ADAM29: variants seen among roughly 807,000 people sequenced by gnomAD.
ADAM29 encodes the protein disintegrin and metalloproteinase domain-containing protein 29.
For missense variants in ADAM29, 969 were observed against 1,001.8 expected, an observed-to-expected ratio of 0.97 and a Z score of 0.44; for synonymous variants, 367 against 342.3, an observed-to-expected ratio of 1.07 and a Z score of -0.80.
intron 3 of ADAM29, among the ~76,000 whole-genome samples, chr4:174,933,448 A>T (rs1744020375): frequency 6.6e-6 from 1 of 152,170 alleles, no homozygotes; most frequent in Non-Finnish European, 1.5e-5. Flanking sequence ...TAGAAAAGTC[A>T]AGAAGTTACA....
In ADAM29 at chr4:174,977,574, G is replaced by T; in HGVS notation, c.2049G>T (p.Leu683Phe). The T allele has an allele frequency of 6.2e-7, 1 of 1,613,746 alleles. No homozygotes were observed. Among genetic ancestry groups the T allele is most frequent in the Non-Finnish European group, 8.5e-7 (1 of 1,179,890 alleles). Reference protein sequence around the residue: ...KKKFCYLCILLLIVLFILLCC... With the variant: ...KKKFCYLCILFLIVLFILLCC... ...AGTTCTGTTATCTGTGTATATTGTT[G>T]CTTATTGTTTTGTTTATTTTATTAT... Residue 683 changes from leucine to phenylalanine, a missense_variant, in exon 5 of 5, where the codon TTG (leucine) becomes TTT (phenylalanine). By Grantham distance (22) the Leu-to-Phe change is conservative. Transcript: ENST00000359240.
chr4:174,974,372 CAGAT>C (rs1746634564), intron 4 of ADAM29, among the ~76,000 whole-genome samples: 1 of 152,210 alleles, frequency 6.6e-6, no homozygotes, highest in African/African-American at 2.4e-5. Flanking sequence ...AGAAGAAACT[CAGAT>C]AACTGACCTT....
In ADAM29 at chr4:174,930,987, T is replaced by G. The variant is rs1743831075; in HGVS notation, c.-449T>G. 1 of 39,822 alleles carries G rather than the reference T, an allele frequency of 2.5e-5. No individual in the cohort carries two copies. The highest frequency in any genetic ancestry group is 8.5e-4 in the South Asian group (1 of 1,172). 2.5% of individuals were successfully genotyped at this position (39,822 alleles called of 1,614,324 possible). ...CACAGTCTTCATTTCTCATTTCAGGTTAGAGTACAAAACATTCTCCCTGCA... is the reference window on the plus strand; with the variant it reads ...CACAGTCTTCATTTCTCATTTCAGGGTAGAGTACAAAACATTCTCCCTGCA... On this transcript the variant is annotated splice_region_variant and 5_prime_UTR_variant, in exon 3 of 5. Transcript: ENST00000359240.
At chr4:174,953,076 G>A (rs962795303) in intron 4 of ADAM29, among the ~76,000 whole-genome samples, 1 of 152,166 alleles carries the variant, frequency 6.6e-6, no homozygotes, top group Non-Finnish European at 1.5e-5. Flanking sequence ...CACAAGGTCA[G>A]GAGATCGAGA....
intron 4 of ADAM29, among the ~76,000 whole-genome samples, chr4:174,959,487 GTGTGTT>G (rs1745692098): frequency 6.7e-6 from 1 of 148,686 alleles, no homozygotes; most frequent in African/African-American, 2.4e-5. Context: ...GTGTGTGTTT[GTGTGTT>G]TGTGTGTGTC....
intron 3 of ADAM29, among the ~76,000 whole-genome samples, chr4:174,933,218 C>T (rs2110939919): frequency 6.6e-6 from 1 of 152,292 alleles, no homozygotes; most frequent in South Asian, 2.1e-4. Flanking sequence ...GGACAGAGCA[C>T]ATCCACAGGG....
chr4:174,977,692 C>T lies in ADAM29; in HGVS notation c.2167C>T (p.Arg723Cys), dbSNP rs368289357. ...TGCAAAAGAAGAGGAAAAAATTCAGCGTCGACCTCATGAGTTACCTCCCCA... is the reference window on the plus strand; with the variant it reads ...TGCAAAAGAAGAGGAAAAAATTCAGTGTCGACCTCATGAGTTACCTCCCCA... ...PSAKEEEKIQ[R>C]RPHELPPQSQ... Residue 723 changes from arginine to cysteine, a missense_variant, in exon 5 of 5, where the codon CGT (arginine) becomes TGT (cysteine). Arg to Cys is a radical substitution (Grantham distance 180). Transcript: ENST00000359240. The T allele has an allele frequency of 3.7e-5, 59 of 1,614,104 alleles. No individual in the cohort carries two copies. The highest frequency in any genetic ancestry group is 2.0e-4 in the East Asian group (9 of 44,896).
chr4:174,962,743 A>G (rs1579067654), intron 4 of ADAM29, among the ~76,000 whole-genome samples: 1 of 152,188 alleles, frequency 6.6e-6, no homozygotes, highest in Admixed American at 6.6e-5. Flanking sequence ...CACAGTAAAT[A>G]CATACAGTTT....
intron 4 of ADAM29, among the ~76,000 whole-genome samples, chr4:174,972,986 A>G (rs780597701): frequency 8.5e-5 from 13 of 152,148 alleles, no homozygotes; most frequent in Non-Finnish European, 1.6e-4. Flanking sequence ...GAGCTCTAAA[A>G]CTAGTTAGAT....
At chr4:174,962,474 T>C (rs916220975) in intron 4 of ADAM29, among the ~76,000 whole-genome samples, 9 of 146,482 alleles carry the variant, frequency 6.1e-5, no homozygotes, top group African/African-American at 2.1e-4. Flanking sequence ...ATCGCGCCAC[T>C]GCACTCCAGC....
intron 4 of ADAM29, among the ~76,000 whole-genome samples, chr4:174,973,318 G>A (rs1746574921): frequency 6.6e-6 from 1 of 152,124 alleles, no homozygotes; most frequent in African/African-American, 2.4e-5. Context: ...TGGGAACTAG[G>A]GGTTCTCTTT....
chr4:174,946,286 T>C (rs1220859702), intron 4 of ADAM29, among the ~76,000 whole-genome samples: 17 of 152,184 alleles, frequency 1.1e-4, no homozygotes, highest in Admixed American at 1.1e-3. Context: ...GTTCTTGATT[T>C]GGCTCTCAGC....
chr4:174,941,024 G>T (rs1439419339), intron 4 of ADAM29, among the ~76,000 whole-genome samples: 3 of 151,934 alleles, frequency 2.0e-5, no homozygotes, highest in Non-Finnish European at 4.4e-5. Flanking sequence ...CTTTTATATG[G>T]TTATTATTTA....
In ADAM29 at chr4:174,975,854, C is replaced by T; in HGVS notation, c.329C>T (p.Pro110Leu). 1.2e-6 allele frequency: 2 copies of T among 1,613,960 alleles called. No individual in the cohort carries two copies. Among genetic ancestry groups the T allele is most frequent in the Middle Eastern group, 1.7e-4 (1 of 6,058 alleles). ...CYYHGYVEGD[P>L]ESLVSLSTCF... ...TATCATGGTTATGTGGAAGGGGACC[C>T]AGAATCCCTGGTTTCCCTCAGTACC... The change falls in exon 5 of 5, where the codon CCA becomes CTA. Residue 110 changes from proline (P) to leucine (L), a missense_variant. Coordinates refer to ENST00000359240, the MANE Select transcript of ADAM29 (RefSeq NM_014269.4).
At chr4:174,923,056 A>AATC (rs1743257291) in intron 2 of ADAM29, among the ~76,000 whole-genome samples, 1 of 150,134 alleles carries the variant, frequency 6.7e-6, no homozygotes, top group Non-Finnish European at 1.5e-5. Context: ...AGCATTAATT[A>AATC]ATTATTATTA....
At chr4:174,936,392 A>G (rs886518422) in intron 3 of ADAM29, among the ~76,000 whole-genome samples, 5 of 151,984 alleles carry the variant, frequency 3.3e-5, no homozygotes, top group African/African-American at 1.2e-4. Context: ...TAAATTTGTT[A>G]CTTATTTGAC....
chr4:174,922,727 C>A (rs1326751690), intron 2 of ADAM29, among the ~76,000 whole-genome samples: 1 of 151,452 alleles, frequency 6.6e-6, no homozygotes, highest in African/African-American at 2.4e-5. Flanking sequence ...ATATTTTTAT[C>A]CTAAAAAATA....
intron 4 of ADAM29, among the ~76,000 whole-genome samples, chr4:174,963,415 A>T (rs1462218390): frequency 6.6e-6 from 1 of 152,152 alleles, no homozygotes; most frequent in African/African-American, 2.4e-5. Context: ...TACTGGCTTT[A>T]CCATTAAGTA....
chr4:174,947,706 T>C (rs1056955414), intron 4 of ADAM29, among the ~76,000 whole-genome samples: 1 of 152,224 alleles, frequency 6.6e-6, no homozygotes, highest in Non-Finnish European at 1.5e-5. Flanking sequence ...ATAAGAATAA[T>C]GTACACTGTG....
Sources: allele counts gnomAD v4.1 joint callset (sites outside exome capture counted in the v4.1 genomes callset), GRCh38; gene constraint gnomAD v4.1.1; transcripts MANE v1.5; gene names NCBI Gene and HGNC (gene_info 2026-07-23, HGNC 2026-07-21).